The following XPO4 variants were observed in gnomAD, a reference collection of about 807,000 sequenced individuals.
XPO4 encodes exportin 4.
Under a neutral mutation model 143.0 loss-of-function variants are expected in XPO4, and 39 were observed. The observed-to-expected ratio is 0.27, with a 90% CI of 0.21 to 0.36. The LOEUF (loss-of-function observed/expected upper bound fraction) is 0.36, where lower values mean the gene tolerates loss of function less well. XPO4 is among the 10% of genes least tolerant of loss of function. The pLI is 1.00. For synonymous variants in XPO4, 439 were observed against 474.0 expected (o/e 0.93, Z 0.96); for missense variants, 907 against 1,348.0 (o/e 0.67, Z 5.12).
chr13:20,799,082 C>G, intron 16 of XPO4, 83 bp downstream of exon 16: 2 of 1,294,192 alleles, frequency 1.5e-6, no homozygotes, highest in South Asian at 2.0e-5. Context: ...ATTTATGTCT[C>G]CAGAGACTCT....
intron 1 of XPO4, among the ~76,000 whole-genome samples, chr13:20,883,755 G>A (rs1009500877): frequency 6.6e-6 from 1 of 152,016 alleles, no homozygotes; most frequent in Non-Finnish European, 1.5e-5. Context: ...TGGAGTAAAC[G>A]TATTGTATTG....
chr13:20,889,546 C>A (rs1375904164), intron 1 of XPO4, among the ~76,000 whole-genome samples: 1 of 152,086 alleles, frequency 6.6e-6, no homozygotes, highest in Non-Finnish European at 1.5e-5. Flanking sequence ...ACGAACCAGC[C>A]CTCAGCAACA....
chr13:20,848,123 T>C, intron 4 of XPO4: 3 of 484,588 alleles, frequency 6.2e-6, no homozygotes, highest in Non-Finnish European at 5.4e-6. Context: ...TGTTGTTGTC[T>C]ATCATTCACT....
intron 9 of XPO4, among the ~76,000 whole-genome samples, chr13:20,817,889 G>A (rs753898441): frequency 2.6e-5 from 4 of 152,066 alleles, no homozygotes; most frequent in African/African-American, 4.8e-5. Context: ...TCTGCCTCCC[G>A]GGTTCAAGTA....
chr13:20,790,063 A>G (rs1056042615), intron 19 of XPO4, among the ~76,000 whole-genome samples: 3 of 152,198 alleles, frequency 2.0e-5, no homozygotes, highest in African/African-American at 4.8e-5. Context: ...CCTTTGCTCA[A>G]TCCCTTAACT....
In XPO4 at chr13:20,891,863, CA is replaced by C. The variant is rs61114008; in HGVS notation, c.69+10806del. ...GGGTGACAGAGCAAGACTCCATCTC[CA>C]AAAAAAAAAAAAAAGATAGGGTCTT... is the stretch of plus-strand genomic sequence containing the variant. On this transcript the variant is annotated intron_variant, in intron 1 of 22. Coordinates refer to ENST00000255305, the MANE Select transcript of XPO4 (RefSeq NM_022459.5). 1.4e-3 allele frequency among the ~76,000 whole-genome samples: 180 copies of C among 129,172 alleles called. 1 individual carries two copies. Among genetic ancestry groups the C allele is most frequent in the Middle Eastern group, 4.0e-3 (1 of 248 alleles). The allele number at this position is 129,172 out of a possible 152,430, so 84.7% of individuals were successfully genotyped here.
In XPO4 at chr13:20,788,413, T is replaced by TA. The variant is rs1413076515; in HGVS notation, c.3047+72dup. Reference sequence around the variant, plus strand: ...AAAAGAAAAATGAAAAATGTAAACTTAAAAAACTTTTCTTTAAAGGAAGAT... The same window carrying TA: ...AAAAGAAAAATGAAAAATGTAAACTTAAAAAAACTTTTCTTTAAAGGAAGAT... On this transcript the variant is annotated intron_variant, in intron 20 of 22. Transcript: ENST00000255305. 1.2e-5 allele frequency: 19 copies of TA among 1,549,398 alleles called. No homozygotes were observed. The Admixed American group carries it at 4.3e-4, about 35-fold the overall frequency.
intron 13 of XPO4, among the ~76,000 whole-genome samples, chr13:20,801,819 T>C (rs2059437535): frequency 6.6e-6 from 1 of 152,154 alleles, no homozygotes; most frequent in Admixed American, 6.5e-5. Flanking sequence ...TTACTAGTGC[T>C]CTCAGGAAGC....
At chr13:20,872,101 G>C (rs1365606438) in intron 1 of XPO4, among the ~76,000 whole-genome samples, 3 of 152,134 alleles carry the variant, frequency 2.0e-5, no homozygotes, top group African/African-American at 7.2e-5. Flanking sequence ...CTGGCAAATA[G>C]ATTTCCAACC....
intron 18 of XPO4, among the ~76,000 whole-genome samples, chr13:20,792,687 C>A (rs1024120396): frequency 7.0e-6 from 1 of 143,730 alleles, no homozygotes; most frequent in African/African-American, 2.6e-5. Flanking sequence ...CGCCATTGCA[C>A]TCCAGCCTGG....
At chr13:20,855,986 G>A (rs941664773) in intron 3 of XPO4, among the ~76,000 whole-genome samples, 2 of 152,110 alleles carry the variant, frequency 1.3e-5, no homozygotes, top group African/African-American at 4.8e-5. Flanking sequence ...TTAGCATTCA[G>A]GGCCTTGGTT....
At chr13:20,853,159 C>G (rs1488007975) in intron 4 of XPO4, 1 of 474,688 alleles carries the variant, frequency 2.1e-6, no homozygotes, top group Non-Finnish European at 2.7e-6. Context: ...AGTGAAACCT[C>G]ATCGCTACAA....
At chr13:20,829,562 T>C (rs910864366) in intron 6 of XPO4, among the ~76,000 whole-genome samples, 1 of 152,176 alleles carries the variant, frequency 6.6e-6, no homozygotes, top group East Asian at 1.9e-4. Flanking sequence ...CTTCAGGTGC[T>C]ATAACTGCAA....
chr13:20,884,958 T>TTTTG lies in XPO4; in HGVS notation c.70-16261_70-16258dup, dbSNP rs539510992. On this transcript the variant is annotated intron_variant, in intron 1 of 22. Transcript: ENST00000255305. ...AAAGAGAGGTTTTTTTGGTTTGTTT[T>TTTTG]TTTGTTTGTTTGTTTGTTTTTTGAG... 3.0e-3 allele frequency among the ~76,000 whole-genome samples: 449 copies of TTTTG among 151,960 alleles called. 1 individual carries two copies. Among genetic ancestry groups the TTTTG allele is most frequent in the African/African-American group, 0.01 (433 of 41,302 alleles).
rs1346341948 is a variant in XPO4, at chr13:20,782,493, A to G, written c.*1229T>C. On this transcript the variant is annotated 3_prime_UTR_variant, in exon 23 of 23. Coordinates refer to ENST00000255305, the MANE Select transcript of XPO4 (RefSeq NM_022459.5). The stretch of plus-strand genomic sequence containing the variant: ...AGTGAATTTTTAATCTCTGAAATTA[A>G]ATTCACTGGCTCCCATGTCTGGATA... 2.0e-5 allele frequency: 3 copies of G among 152,648 alleles called. No homozygotes were observed. Among genetic ancestry groups the G allele is most frequent in the Admixed American group, 6.5e-5 (1 of 15,292 alleles). 9.5% of individuals were successfully genotyped at this position (152,648 alleles called of 1,614,324 possible).
intron 4 of XPO4, chr13:20,850,295 A>G: frequency 1.0e-6 from 1 of 974,854 alleles, no homozygotes; most frequent in Non-Finnish European, 1.2e-6. Context: ...AGAAGTGAAT[A>G]TTATCACATT....
At chr13:20,811,288 CT>C (rs769614867) in intron 9 of XPO4, among the ~76,000 whole-genome samples, 2,515 of 136,640 alleles carry the variant, frequency 0.018, 65 homozygotes, top group African/African-American at 0.061. Context: ...ATGCTTTTTT[CT>C]TTTTTTTTTT....
intron 1 of XPO4, chr13:20,879,295 G>C: frequency 7.1e-6 from 7 of 985,286 alleles, no homozygotes; most frequent in Non-Finnish European, 7.2e-6. Flanking sequence ...CGGAAGGAGG[G>C]GGACCAGGGA....
At chr13:20,893,389 A>C (rs1306658509) in intron 1 of XPO4, among the ~76,000 whole-genome samples, 1 of 152,086 alleles carries the variant, frequency 6.6e-6, no homozygotes, top group East Asian at 1.9e-4. Flanking sequence ...CCCACTCACT[A>C]TACTGACCCT....
Sources: allele counts gnomAD v4.1 joint callset (sites outside exome capture counted in the v4.1 genomes callset), GRCh38; gene constraint gnomAD v4.1.1; transcripts MANE v1.5; gene names NCBI Gene and HGNC (gene_info 2026-07-23, HGNC 2026-07-21).